Variants in COL3A1 observed in about 807,000 individuals in gnomAD.
COL3A1 encodes the protein collagen alpha-1(III) chain.
In COL3A1, 46 loss-of-function variants were observed where a neutral mutation model predicts 200.9. The ratio of observed to expected loss-of-function variants is 0.23; its 90% CI spans 0.18 to 0.29. The LOEUF is 0.29. COL3A1 is among the 10% of genes least tolerant of loss of function. COL3A1 has a pLI of 1.00. For synonymous variants in COL3A1, 650 were observed against 628.0 expected, an observed-to-expected ratio of 1.03 and a Z score of -0.52; for missense variants, 1,367 against 1,917.6, an observed-to-expected ratio of 0.71 and a Z score of 5.36.
chr2:189,005,013 A>T (rs1688556080), intron 40 of COL3A1, among the ~76,000 whole-genome samples: 1 of 152,184 alleles, frequency 6.6e-6, no homozygotes, highest in African/African-American at 2.4e-5. Context: ...AATTTTAAGG[A>T]TCACCATACA....
intron 10 of COL3A1, among the ~76,000 whole-genome samples, chr2:188,990,694 G>A (rs1048337332): frequency 4.6e-5 from 7 of 151,918 alleles, no homozygotes; most frequent in South Asian, 2.1e-4. Context: ...AAAATATTTC[G>A]TACATTCAAC....
intron 4 of COL3A1, among the ~76,000 whole-genome samples, chr2:188,986,222 T>A (rs932868217): frequency 4.6e-5 from 7 of 152,050 alleles, no homozygotes; most frequent in Non-Finnish European, 7.4e-5. Flanking sequence ...TATTTCTGCC[T>A]ATGAAACTGC....
chr2:188,987,161 C>A, intron 5 of COL3A1, 22 bp downstream of exon 5: 1 of 1,578,564 alleles, frequency 6.3e-7, no homozygotes, highest in Non-Finnish European at 8.7e-7. Context: ...TGTTTCTCAG[C>A]ATTTTGGAGC....
chr2:188,987,119 G>T lies in COL3A1; in HGVS notation c.508G>T (p.Ala170Ser). Reference sequence around the variant, plus strand: ...GTCTGGAGTAGCAGTAGGAGGACTCGCAGGCTATCCTGGACCAGCTGTACG... The same window carrying T: ...GTCTGGAGTAGCAGTAGGAGGACTCTCAGGCTATCCTGGACCAGCTGTACG... ...VKSGVAVGGL[A>S]GYPGPAGPPG... Residue 170 changes from alanine to serine, a missense_variant, in exon 5 of 51, where the codon GCA (alanine) becomes TCA (serine). Transcript: ENST00000304636. The T allele has an allele frequency of 6.2e-7, 1 of 1,612,568 alleles. No individual in the cohort carries two copies. The highest frequency in any genetic ancestry group is 8.5e-7 in the Non-Finnish European group (1 of 1,178,896).
intron 49 of COL3A1, 130 bp downstream of exon 49, chr2:189,010,495 TG>T: frequency 1.4e-6 from 2 of 1,471,546 alleles, no homozygotes; most frequent in Non-Finnish European, 9.4e-7. Flanking sequence ...CTGAAAGTGA[TG>T]GCATGCAATA....
chr2:188,987,320 A>G (rs947416302), intron 5 of COL3A1, among the ~76,000 whole-genome samples, 181 bp downstream of exon 5: 1 of 151,782 alleles, frequency 6.6e-6, no homozygotes, highest in African/African-American at 2.4e-5. Context: ...TATTCATATT[A>G]TTAAACCTAT....
chr2:188,977,072 A>G (rs1404450227), intron 1 of COL3A1, among the ~76,000 whole-genome samples: 1 of 152,118 alleles, frequency 6.6e-6, no homozygotes, highest in East Asian at 1.9e-4. Flanking sequence ...CAATATTCAG[A>G]GTCTTTTTGG....
chr2:188,991,439 A>C, intron 11 of COL3A1, 48 bp from the exon 12 acceptor site: 2 of 1,253,886 alleles, frequency 1.6e-6, no homozygotes, highest in Non-Finnish European at 2.3e-6. Context: ...AATATATAAT[A>C]TTTTCTTCCT....
At chr2:189,003,549 A>C (rs1024167223) in intron 37 of COL3A1, 85 bp downstream of exon 37, 1 of 1,419,232 alleles carries the variant, frequency 7.0e-7, no homozygotes, top group African/African-American at 1.4e-5. Flanking sequence ...CACTAGTTCC[A>C]TAAAGAGAAT....
intron 45 of COL3A1, 106 bp from the exon 46 acceptor site, chr2:189,007,779 A>G: frequency 6.9e-7 from 1 of 1,457,646 alleles, no homozygotes; most frequent in East Asian, 2.3e-5. Context: ...AAAGAAAGAA[A>G]AAAAATTTCA....
intron 22 of COL3A1, 152 bp from the exon 23 acceptor site, chr2:188,995,973 A>G: frequency 3.4e-6 from 3 of 893,082 alleles, no homozygotes; most frequent in Non-Finnish European, 5.3e-6. Context: ...AAGATAGAAC[A>G]CTTGCCTTAG....
At chr2:189,001,345 A>G in intron 32 of COL3A1, 52 bp from the exon 33 acceptor site, 1 of 1,561,250 alleles carries the variant, frequency 6.4e-7, no homozygotes, top group Non-Finnish European at 8.8e-7. Flanking sequence ...TGATTAATGC[A>G]AAAAACGATA....
intron 2 of COL3A1, 82 bp from the exon 3 acceptor site, chr2:188,985,115 A>G: frequency 1.4e-6 from 2 of 1,465,344 alleles, no homozygotes; most frequent in South Asian, 1.1e-5. Flanking sequence ...CAATTTAAAG[A>G]TAAGGATTGG....
chr2:188,989,400 C>T lies in COL3A1; in HGVS notation c.641C>T (p.Pro214Leu), dbSNP rs967913772. 1 of 1,601,044 alleles carries T rather than the reference C, an allele frequency of 6.2e-7. No homozygotes were observed. The highest frequency in any genetic ancestry group is 8.5e-7 in the Non-Finnish European group (1 of 1,173,032). ...TTTTTATTTCCTTATTTTCAGGGCC[C>T]TCCAGGACCTCCTGGTGCTATAGGT... ...GEPGQAGPSG[P>L]PGPPGAIGPS... Residue 214 changes from proline (P) to leucine (L), a missense_variant, in exon 8 of 51, where the codon CCT becomes CTT. By Grantham distance (98) the Pro-to-Leu change is moderately conservative. Around this residue, in one of 5 missense-constraint regions of COL3A1, gnomAD observed 462 missense variants for 681.4 expected, o/e 0.68. Coordinates refer to ENST00000304636, the MANE Select transcript of COL3A1 (RefSeq NM_000090.4).
At chr2:189,009,743 C>G (rs1411004805) in intron 48 of COL3A1, among the ~76,000 whole-genome samples, 1 of 152,088 alleles carries the variant, frequency 6.6e-6, no homozygotes, top group East Asian at 1.9e-4. Context: ...TGGAACACTG[C>G]CTTTGCTAGG....
Position 188,999,703 on chromosome 2 carries a change from A to C in COL3A1, c.2229+126A>C, listed in dbSNP as rs1688412552. Reference sequence around the variant, plus strand: ...ATGTTATCATTTTATAGTAAGTGAAATTTAAGATGGATTCCTAAAGCAACA... The same window carrying C: ...ATGTTATCATTTTATAGTAAGTGAACTTTAAGATGGATTCCTAAAGCAACA... On this transcript the variant is annotated intron_variant, in intron 31 of 50. Transcript: ENST00000304636. 2.9e-6 allele frequency: 4 copies of C among 1,370,628 alleles called. No homozygotes were observed. The South Asian group carries it at 5.0e-5, about 17-fold the overall frequency. The allele number at this position is 1,370,628 out of a possible 1,614,324, so 84.9% of individuals were successfully genotyped here.
rs1333066574 is a variant in COL3A1, at chr2:188,991,496, G to T, written c.862G>T (p.Gly288Cys). The T allele has an allele frequency of 1.2e-6, 2 of 1,607,586 alleles. No homozygotes were observed. Among genetic ancestry groups the T allele is most frequent in the Non-Finnish European group, 1.7e-6 (2 of 1,174,904 alleles). ...TTTTATATGTATCTAGGGTGAAAAT[G>T]GTCTTCCAGGCGAAAATGGAGCTCC... Reference protein sequence around the residue: ...TGAPGLKGENGLPGENGAPGP... With the variant: ...TGAPGLKGENCLPGENGAPGP... The change falls in exon 12 of 51, where the codon GGT (glycine) becomes TGT (cysteine). Residue 288 changes from glycine (G) to cysteine (C), a missense_variant. By Grantham distance (159) the Gly-to-Cys change is radical (BLOSUM62 -3). Coordinates refer to ENST00000304636, the MANE Select transcript of COL3A1 (RefSeq NM_000090.4).
chr2:188,997,301 A>G (rs775955532), intron 25 of COL3A1, 35 bp from the exon 26 acceptor site: 3 of 1,613,112 alleles, frequency 1.9e-6, no homozygotes, highest in Non-Finnish European at 2.5e-6. Context: ...TGTAATCTGT[A>G]TTATTTCTAC....
At position 188,993,948 on chromosome 2, in the gene COL3A1, T is replaced by C. The variant is rs1022054950; in HGVS notation, c.1150-90T>C. 28 of 1,219,786 alleles carry C rather than the reference T, an allele frequency of 2.3e-5. No individual in the cohort carries two copies. In the African/African-American group the frequency reaches 3.7e-4, roughly 16 times the overall value. The allele number at this position is 1,219,786 out of a possible 1,614,324, so 75.6% of individuals were successfully genotyped here. A position where few individuals can be genotyped will look rare whatever the true frequency, so the allele number is the denominator to read the frequency against. On this transcript the variant is annotated intron_variant, in intron 16 of 50. Coordinates refer to ENST00000304636, the MANE Select transcript of COL3A1 (RefSeq NM_000090.4). ...TAATCTCTACAAAGCATAACACTCATCGATACATTTATTTTCACACAAACA... is the reference window on the plus strand; with the variant it reads ...TAATCTCTACAAAGCATAACACTCACCGATACATTTATTTTCACACAAACA...
Sources: allele counts gnomAD v4.1 joint callset (sites outside exome capture counted in the v4.1 genomes callset), GRCh38; gene constraint gnomAD v4.1.1; regional missense constraint gnomAD v4.1.1; transcripts MANE v1.5; gene names NCBI Gene and HGNC (gene_info 2026-07-23, HGNC 2026-07-21).